The following CACNA1C variants were observed in gnomAD, a reference collection of about 807,000 sequenced individuals.
CACNA1C encodes voltage-dependent L-type calcium channel subunit alpha-1C.
Under a neutral mutation model 229.0 loss-of-function variants are expected in CACNA1C, and 30 were observed. That is an observed-to-expected ratio of 0.13 (90% CI 0.10 to 0.18). The LOEUF (loss-of-function observed/expected upper bound fraction) is 0.18, where lower values mean the gene tolerates loss of function less well. Ranked by LOEUF, CACNA1C falls within the 10% of genes least tolerant of loss-of-function variation. The pLI is 1.00. For synonymous variants in CACNA1C, 1,114 were observed against 1,132.5 expected (o/e 0.98, Z 0.33); for missense variants, 1,658 against 2,845.0 (o/e 0.58, Z 9.49).
intron 37 of CACNA1C, among the ~76,000 whole-genome samples, chr12:2,667,537 AAACAACAAC>A: frequency 6.6e-6 from 1 of 152,270 alleles, no homozygotes; most frequent in East Asian, 1.9e-4. Flanking sequence ...AAAAACAAAC[AAACAACAAC>A]AACAACAAAA....
At position 2,057,157 on chromosome 12, in the gene CACNA1C, C is replaced by A. The variant is rs574773062; in HGVS notation, c.49+3546C>A. ...ATGACCTAGGTCTCTTCAATTTGTT[C>A]TTCAAATAAAACTGCTTGAGTTGGG... On this transcript the variant is annotated intron_variant, in intron 1 of 46. Transcript: ENST00000399655. 1.4e-4 allele frequency among the ~76,000 whole-genome samples: 21 copies of A among 152,302 alleles called. No individual in the cohort carries two copies. In the South Asian group the frequency reaches 4.3e-3, roughly 32 times the overall value.
At chr12:2,617,461 G>A (rs1248788253) in intron 29 of CACNA1C, among the ~76,000 whole-genome samples, 3 of 152,220 alleles carry the variant, frequency 2.0e-5, no homozygotes, top group East Asian at 3.8e-4. Flanking sequence ...ACTCTGCATC[G>A]TGAAGGCTCT....
intron 1 of CACNA1C, among the ~76,000 whole-genome samples, chr12:2,025,001 C>G (rs1366115684): frequency 6.6e-6 from 1 of 152,200 alleles, no homozygotes; most frequent in Non-Finnish European, 1.5e-5. Context: ...CTTCACAGTT[C>G]TTCTGATTAG....
intron 5 of CACNA1C, among the ~76,000 whole-genome samples, chr12:2,472,978 C>T (rs2099601066): frequency 6.6e-6 from 1 of 152,110 alleles, no homozygotes; most frequent in Non-Finnish European, 1.5e-5. Context: ...TTGGCTTTGC[C>T]AGGATGGATC....
At chr12:2,072,451 C>T (rs369838171) in intron 1 of CACNA1C, among the ~76,000 whole-genome samples, 5 of 152,218 alleles carry the variant, frequency 3.3e-5, no homozygotes, top group South Asian at 2.1e-4. Context: ...CCGCCCGCCT[C>T]GGCCTCCCAG....
intron 4 of CACNA1C, among the ~76,000 whole-genome samples, chr12:2,453,671 C>G (rs1349717965): frequency 6.6e-6 from 1 of 152,138 alleles, no homozygotes; most frequent in Non-Finnish European, 1.5e-5. Flanking sequence ...TTCTCACCAC[C>G]CCGCTGCAGA....
In CACNA1C at chr12:2,162,449, G is replaced by C. The variant is rs551413072; in HGVS notation, c.477+42019G>C. ...TGGGGGAAATAGCAAGCAAAGTTCA[G>C]AGGGCAGTGGTCCATTTTTTCTTAT... On this transcript the variant is annotated intron_variant, in intron 3 of 46. Transcript: ENST00000399655. Among the ~76,000 whole-genome samples the C allele has an allele frequency of 2.0e-5, 3 of 152,072 alleles. No individual in the cohort carries two copies. The South Asian group carries it at 6.2e-4, about 32-fold the overall frequency.
chr12:2,461,934 C>T (rs529404243), intron 5 of CACNA1C, among the ~76,000 whole-genome samples: 13 of 152,290 alleles, frequency 8.5e-5, no homozygotes, highest in East Asian at 3.9e-4. Context: ...GGCATTCAAA[C>T]GGCCCTCTGA....
chr12:2,140,366 G>A (rs544482765), intron 3 of CACNA1C, among the ~76,000 whole-genome samples: 1 of 151,608 alleles, frequency 6.6e-6, no homozygotes, highest in African/African-American at 2.4e-5. Flanking sequence ...TCTTAACACA[G>A]TTCCTGAAAC....
intron 1 of CACNA1C, among the ~76,000 whole-genome samples, chr12:2,105,354 C>T (rs1489596841): frequency 1.3e-5 from 2 of 152,152 alleles, no homozygotes; most frequent in Non-Finnish European, 2.9e-5. Context: ...GATCTCCTGG[C>T]GCCCTCACGG....
chr12:2,435,622 C>T (rs1392405981), intron 3 of CACNA1C, among the ~76,000 whole-genome samples: 5 of 152,198 alleles, frequency 3.3e-5, no homozygotes, highest in African/African-American at 1.2e-4. Context: ...GACAGGCAGC[C>T]TGAGAGGTGA....
At chr12:2,268,994 T>C (rs1269004100) in intron 3 of CACNA1C, among the ~76,000 whole-genome samples, 2 of 152,156 alleles carry the variant, frequency 1.3e-5, no homozygotes, top group African/African-American at 4.8e-5. Flanking sequence ...GTCGGATGTC[T>C]TGGGTGCTTG....
chr12:2,116,704 C>G (rs545113239), intron 2 of CACNA1C, among the ~76,000 whole-genome samples: 2 of 152,108 alleles, frequency 1.3e-5, no homozygotes, highest in Non-Finnish European at 2.9e-5. Flanking sequence ...GTTCCTCCCC[C>G]ACTTCCACGA....
In CACNA1C at chr12:2,585,841, A is replaced by G. The variant is rs786205752; in HGVS notation, c.2467A>G (p.Met823Val). The change falls in exon 18 of 47, where the codon ATG (methionine) becomes GTG (valine). Residue 823 changes from methionine (M) to valine (V), a missense_variant. Coordinates refer to ENST00000399655, the MANE Select transcript of CACNA1C (RefSeq NM_000719.7). The surrounding 1 kb of genome is among the most constrained non-coding windows in gnomAD (Gnocchi z 4.1). ...GESPPATKINMDDLQPNENED... is the reference protein window; with the variant it reads ...GESPPATKINVDDLQPNENED... ...CTCCCCTGTGACTGTCTAGATCAAC[A>G]TGGATGACCTCCAGCCCAATGAAAA... 1 of 1,608,078 alleles carries G rather than the reference A, an allele frequency of 6.2e-7. No individual in the cohort carries two copies. Among genetic ancestry groups the G allele is most frequent in the Non-Finnish European group, 8.5e-7 (1 of 1,176,582 alleles).
chr12:2,297,164 C>CCTGT (rs2094123196), intron 3 of CACNA1C, among the ~76,000 whole-genome samples: 1 of 152,200 alleles, frequency 6.6e-6, no homozygotes, highest in Non-Finnish European at 1.5e-5. Context: ...CGAGTGCTGT[C>CCTGT]CTGTCAGCCT....
Position 2,665,449 on chromosome 12 carries a change from C to G in CACNA1C, c.4399-132C>G. 2.1e-6 allele frequency: 2 copies of G among 948,496 alleles called. No homozygotes were observed. The highest frequency in any genetic ancestry group is 3.3e-6 in the Non-Finnish European group (2 of 605,328). The allele number at this position is 948,496 out of a possible 1,614,324, so 58.8% of individuals were successfully genotyped here. On this transcript the variant is annotated intron_variant, in intron 35 of 46. Transcript: ENST00000399655. The surrounding 1 kb of genome is among the most constrained non-coding windows in gnomAD (Gnocchi z 5.9). ...TGTCCAAGAGACCCAGGTTCTCAGG[C>G]TGGTAGGATGGATGACTGGTCTTTA... is the stretch of plus-strand genomic sequence containing the variant.
At chr12:2,064,450 G>C (rs1284238444) in intron 1 of CACNA1C, among the ~76,000 whole-genome samples, 2 of 151,864 alleles carry the variant, frequency 1.3e-5, no homozygotes, top group African/African-American at 4.8e-5. Flanking sequence ...TCTGTGCTCT[G>C]TGCTGGCCAG....
At chr12:2,284,174 C>G (rs949201389) in intron 3 of CACNA1C, among the ~76,000 whole-genome samples, 2 of 152,048 alleles carry the variant, frequency 1.3e-5, no homozygotes, top group Admixed American at 6.6e-5. Context: ...AGTGAGGGGC[C>G]GATGTCTTTC....
chr12:2,000,151 T>C (rs1012394346), intron 1 of CACNA1C, among the ~76,000 whole-genome samples: 4 of 152,218 alleles, frequency 2.6e-5, no homozygotes, highest in Non-Finnish European at 1.5e-5. Flanking sequence ...GTTTAACTGA[T>C]TCAGTCAGCA....
Sources: allele counts gnomAD v4.1 joint callset (sites outside exome capture counted in the v4.1 genomes callset), GRCh38; gene constraint gnomAD v4.1.1; non-coding constraint Gnocchi (gnomAD v3.1); transcripts MANE v1.5; gene names NCBI Gene and HGNC (gene_info 2026-07-23, HGNC 2026-07-21).